TGFA: variants seen among roughly 807,000 people sequenced by gnomAD.
TGFA encodes the protein protransforming growth factor alpha.
In TGFA, 12 loss-of-function variants were observed where a neutral mutation model predicts 21.7. The ratio of observed to expected loss-of-function variants is 0.55; its 90% CI spans 0.35 to 0.90. The LOEUF (loss-of-function observed/expected upper bound fraction) is 0.90. TGFA is among the 40% of genes least tolerant of loss of function. TGFA has a pLI of 0.01. For synonymous variants in TGFA, 79 were observed against 88.1 expected (o/e 0.90, Z 0.58); for missense variants, 178 against 210.8 (o/e 0.84, Z 0.96).
At chr2:70,544,752 T>C (rs1346551810) in intron 1 of TGFA, among the ~76,000 whole-genome samples, 2 of 152,116 alleles carry the variant, frequency 1.3e-5, no homozygotes, top group African/African-American at 4.8e-5. Flanking sequence ...ATTTAGCATA[T>C]GAAAATAAAC....
intron 1 of TGFA, among the ~76,000 whole-genome samples, chr2:70,516,990 G>T (rs77598779): frequency 0.016 from 2,400 of 152,290 alleles, 65 homozygotes; most frequent in African/African-American, 0.055. Flanking sequence ...GCAAAACCCA[G>T]ACAAGAAAGC....
rs571908443 is a variant in TGFA at position 70,511,940 on chromosome 2, T to C, written c.94+2919A>G. On this transcript the variant is annotated intron_variant, in intron 2 of 5. Transcript: ENST00000295400. ...ACACACACACACACACTTGCTACAA[T>C]GACGGGCAGTGAGTGTGGCTGGTGG... Among the ~76,000 whole-genome samples the C allele has an allele frequency of 2.7e-5, 4 of 145,848 alleles. No individual in the cohort carries two copies. The East Asian group carries it at 8.4e-4, about 31-fold the overall frequency.
chr2:70,474,969 C>CGTGTGTGT (rs57147767), intron 2 of TGFA, among the ~76,000 whole-genome samples: 2,740 of 147,660 alleles, frequency 0.019, 33 homozygotes, highest in African/African-American at 0.036. Context: ...ACACAGCAGC[C>CGTGTGTGT]GTGTGTGTGT....
chr2:70,537,810 G>A (rs1553504670), intron 1 of TGFA, among the ~76,000 whole-genome samples: 1 of 152,226 alleles, frequency 6.6e-6, no homozygotes, highest in African/African-American at 2.4e-5. Flanking sequence ...GCTGCAGCAA[G>A]TTATCCAGAA....
chr2:70,454,006 A>G (rs571645456), intron 4 of TGFA, among the ~76,000 whole-genome samples: 167 of 84,568 alleles, frequency 2.0e-3, no homozygotes, highest in African/African-American at 5.5e-3. Flanking sequence ...ACTTTGCATG[A>G]AAAAAAAAAA....
chr2:70,532,997 G>T (rs1267770046), intron 1 of TGFA, among the ~76,000 whole-genome samples: 1 of 151,848 alleles, frequency 6.6e-6, no homozygotes, highest in African/African-American at 2.4e-5. Flanking sequence ...AAGTAGCTGG[G>T]GTGACAGATG....
At chr2:70,472,712 T>C (rs1670794491) in intron 2 of TGFA, among the ~76,000 whole-genome samples, 1 of 152,214 alleles carries the variant, frequency 6.6e-6, no homozygotes, top group Non-Finnish European at 1.5e-5. Context: ...CTAATTGGAC[T>C]TCATGCTGTG....
At chr2:70,459,805 T>A (rs1339398604) in intron 3 of TGFA, among the ~76,000 whole-genome samples, 1 of 152,128 alleles carries the variant, frequency 6.6e-6, no homozygotes, top group Admixed American at 6.5e-5. Context: ...TGCCTATCAC[T>A]CTAGTGTTAA....
intron 5 of TGFA, among the ~76,000 whole-genome samples, chr2:70,451,515 C>T (rs1007070547): frequency 4.6e-5 from 7 of 152,186 alleles, no homozygotes; most frequent in Admixed American, 3.3e-4. Context: ...GGGACTTCAG[C>T]CCAGGTTGCC....
intron 2 of TGFA, among the ~76,000 whole-genome samples, chr2:70,469,808 G>T (rs1445077711): frequency 6.6e-6 from 1 of 152,178 alleles, no homozygotes; most frequent in Non-Finnish European, 1.5e-5. Flanking sequence ...AATCTGCTGA[G>T]GTTCTTCGTG....
At chr2:70,538,238 G>A (rs1260988637) in intron 1 of TGFA, among the ~76,000 whole-genome samples, 3 of 152,216 alleles carry the variant, frequency 2.0e-5, no homozygotes, top group Non-Finnish European at 4.4e-5. Flanking sequence ...TCGCCCAAGA[G>A]CTCTGATGGA....
At chr2:70,529,597 C>T (rs540162689) in intron 1 of TGFA, among the ~76,000 whole-genome samples, 16 of 151,792 alleles carry the variant, frequency 1.1e-4, no homozygotes, top group African/African-American at 3.4e-4. Flanking sequence ...ATCCCCCCGC[C>T]CCAGTCCTAG....
chr2:70,498,442 A>G (rs17432963), intron 2 of TGFA, among the ~76,000 whole-genome samples: 9,475 of 152,300 alleles, frequency 0.062, 349 homozygotes, highest in Middle Eastern at 0.1. Flanking sequence ...CCAGTTTCAG[A>G]TTAACAGAGA....
At position 70,458,199 on chromosome 2, in the gene TGFA, TA is replaced by T. The variant is rs528156559; in HGVS notation, c.216-1712del. On this transcript the variant is annotated intron_variant, in intron 3 of 5. Transcript: ENST00000295400. Reference sequence around the variant, plus strand: ...CTCCCTGCAGGCACTGGCCCTTTCCTATGAGGCGGAGGCGAAGAGTGGGCTA... The same window carrying T: ...CTCCCTGCAGGCACTGGCCCTTTCCTTGAGGCGGAGGCGAAGAGTGGGCTA... Among the ~76,000 whole-genome samples, 20 of 152,242 alleles carry T rather than the reference TA, an allele frequency of 1.3e-4. No individual in the cohort carries two copies. The East Asian group carries it at 3.5e-3, about 26-fold the overall frequency.
chr2:70,454,410 C>T (rs1334873807), intron 4 of TGFA, among the ~76,000 whole-genome samples: 2 of 152,216 alleles, frequency 1.3e-5, no homozygotes, highest in South Asian at 2.1e-4. Context: ...AGGTGAAAAC[C>T]GGGAGCCCAG....
chr2:70,500,118 C>T (rs1312931131), intron 2 of TGFA, among the ~76,000 whole-genome samples: 1 of 152,142 alleles, frequency 6.6e-6, no homozygotes, highest in East Asian at 1.9e-4. Flanking sequence ...TTCAACACAT[C>T]TCCATTGGAA....
intron 2 of TGFA, among the ~76,000 whole-genome samples, chr2:70,505,715 C>A (rs1671903472): frequency 6.6e-6 from 1 of 152,086 alleles, no homozygotes; most frequent in African/African-American, 2.4e-5. Context: ...TCCTTTTGAG[C>A]CCCCACTACA....
chr2:70,454,797 C>T (rs187869360), intron 4 of TGFA, among the ~76,000 whole-genome samples: 23 of 152,302 alleles, frequency 1.5e-4, no homozygotes, highest in Middle Eastern at 3.4e-3. Context: ...TGGGACTGGC[C>T]GCCTCCCTGG....
At chr2:70,517,874 A>G (rs1672332594) in intron 1 of TGFA, among the ~76,000 whole-genome samples, 1 of 152,232 alleles carries the variant, frequency 6.6e-6, no homozygotes, top group Admixed American at 6.5e-5. Flanking sequence ...CACTGCCTCC[A>G]GTCTCCCTGC....
Sources: allele counts gnomAD v4.1 joint callset (sites outside exome capture counted in the v4.1 genomes callset), GRCh38; gene constraint gnomAD v4.1.1; transcripts MANE v1.5; gene names NCBI Gene and HGNC (gene_info 2026-07-23, HGNC 2026-07-21).